The following HPS5 variants were observed in gnomAD, a reference collection of about 807,000 sequenced individuals.
The protein encoded by HPS5 is BLOC-2 complex member HPS5.
In HPS5, 83 loss-of-function variants were observed where a neutral mutation model predicts 128.0. The ratio of observed to expected loss-of-function variants is 0.65; its 90% CI spans 0.54 to 0.78. The LOEUF is 0.78. HPS5 is among the 30% of genes least tolerant of loss of function. The pLI is 0.00. For missense variants in HPS5, 1,281 were observed against 1,326.2 expected, an observed-to-expected ratio of 0.97 and a Z score of 0.53; for synonymous variants, 475 against 470.2, an observed-to-expected ratio of 1.01 and a Z score of -0.13.
chr11:18,317,351 G>A (rs113753226), intron 2 of HPS5, among the ~76,000 whole-genome samples: 1 of 151,456 alleles, frequency 6.6e-6, no homozygotes, highest in Admixed American at 6.6e-5. Flanking sequence ...CACCTCCCGG[G>A]TTCAAGTGAT....
rs1590058051 is a variant in HPS5, at chr11:18,286,924, G to T, written c.2718-214C>A. The T allele has an allele frequency of 2.1e-5, 13 of 623,638 alleles. No homozygotes were observed. In the East Asian group the frequency reaches 3.6e-4, roughly 17 times the overall value. The allele number at this position is 623,638 out of a possible 1,614,324, so 38.6% of individuals were successfully genotyped here. A position where few individuals can be genotyped will look rare whatever the true frequency, so the allele number is the denominator to read the frequency against. On this transcript the variant is annotated intron_variant, in intron 18 of 22. Transcript: ENST00000349215. The stretch of plus-strand genomic sequence containing the variant: ...GGGCCAAAAAAGAAAAAAAAAAAGG[G>T]AGAGAAAGAGAGAGAGAAAGAAAGA...
chr11:18,311,160 C>T (rs984502477), intron 4 of HPS5, among the ~76,000 whole-genome samples: 2 of 152,124 alleles, frequency 1.3e-5, no homozygotes, highest in Admixed American at 1.3e-4. Context: ...TCTTTTAAGG[C>T]CTTTGAAATG....
chr11:18,316,086 A>G (rs534769175), intron 2 of HPS5, among the ~76,000 whole-genome samples: 227 of 152,242 alleles, frequency 1.5e-3, no homozygotes, highest in African/African-American at 4.9e-3. Context: ...CTATGGTCTC[A>G]CCACTGTACT....
At chr11:18,305,180 C>T (rs183682715) in intron 8 of HPS5, among the ~76,000 whole-genome samples, 1 of 152,258 alleles carries the variant, frequency 6.6e-6, no homozygotes, top group Non-Finnish European at 1.5e-5. Flanking sequence ...ATCTTAGCTC[C>T]AATTGTTAGA....
In HPS5 at chr11:18,291,523, A is replaced by T. The variant is rs775458390; in HGVS notation, c.2359T>A (p.Leu787Met). 1 of 1,611,430 alleles carries T rather than the reference A, an allele frequency of 6.2e-7. No individual in the cohort carries two copies. The highest frequency in any genetic ancestry group is 1.1e-5 in the South Asian group (1 of 90,526). ...FLKKYFFLLN[L>M]KRAKESIKLS... Reference sequence around the variant, plus strand: ...TTGATACTCTCCTTCGCTCTTTTCAAGTTCAGGAGAAAAAAGTACTTCTTC... The same window carrying T: ...TTGATACTCTCCTTCGCTCTTTTCATGTTCAGGAGAAAAAAGTACTTCTTC... The change falls in exon 16 of 23, where the codon TTG (leucine) becomes ATG (methionine). Residue 787 changes from leucine to methionine, a missense_variant. By Grantham distance (15) the Leu-to-Met change is conservative (BLOSUM62 2). Transcript: ENST00000349215.
At chr11:18,317,980 G>A in intron 1 of HPS5, 73 bp from the exon 2 acceptor site, 1 of 1,131,746 alleles carries the variant, frequency 8.8e-7, no homozygotes. Flanking sequence ...AAATATGTGG[G>A]GAACATAGAG....
Position 18,287,668 on chromosome 11 carries a change from A to G in HPS5, c.2584T>C (p.Ser862Pro). ...ATRLYEKFGESALRSLIKFFP... is the reference protein window; with the variant it reads ...ATRLYEKFGEPALRSLIKFFP... ...AACTTGATTAAGGATCGAAGAGCAG[A>G]CTCCCCAAACTTTTCATACAACCTG... The change falls in exon 18 of 23, where the codon TCT (serine) becomes CCT (proline). Residue 862 changes from serine to proline, a missense_variant. Physicochemically the swap from Ser to Pro is moderately conservative, Grantham distance 74. Transcript: ENST00000349215. 1 of 1,614,082 alleles carries G rather than the reference A, an allele frequency of 6.2e-7. No homozygotes were observed. Among genetic ancestry groups the G allele is most frequent in the Non-Finnish European group, 8.5e-7 (1 of 1,180,018 alleles).
At position 18,279,506 on chromosome 11, in the gene HPS5, G is replaced by A. The variant is rs1858600635; in HGVS notation, c.*376C>T. The A allele has an allele frequency of 4.1e-6, 1 of 243,250 alleles. No homozygotes were observed. Among genetic ancestry groups the A allele is most frequent in the Non-Finnish European group, 8.1e-6 (1 of 123,172 alleles). The allele number at this position is 243,250 out of a possible 1,614,324, so 15.1% of individuals were successfully genotyped here. On this transcript the variant is annotated 3_prime_UTR_variant, in exon 23 of 23. Coordinates refer to ENST00000349215, the MANE Select transcript of HPS5 (RefSeq NM_181507.2). The stretch of plus-strand genomic sequence containing the variant: ...TGTCTTCATGTGACCAGGATGAAAA[G>A]CTTCTGCTCCCAACATGGAAGCCAC...
At chr11:18,294,795 A>G (rs904762861) in intron 14 of HPS5, among the ~76,000 whole-genome samples, 6 of 152,084 alleles carry the variant, frequency 3.9e-5, no homozygotes, top group Non-Finnish European at 8.8e-5. Context: ...GGCCACACAT[A>G]AAATACACTA....
chr11:18,300,159 C>T (rs1564956561), intron 9 of HPS5, among the ~76,000 whole-genome samples: 1 of 152,100 alleles, frequency 6.6e-6, no homozygotes, highest in Non-Finnish European at 1.5e-5. Flanking sequence ...AAATGTTTAA[C>T]ATGGTAGATA....
At chr11:18,297,030 T>C (rs1306255582) in intron 11 of HPS5, 46 bp from the exon 12 acceptor site, 2 of 1,238,488 alleles carry the variant, frequency 1.6e-6, no homozygotes, top group East Asian at 2.4e-5. Context: ...AAAAATTTCC[T>C]TTATAACGTT....
At chr11:18,283,763 C>T in intron 21 of HPS5, 32 bp downstream of exon 21, 1 of 1,515,316 alleles carries the variant, frequency 6.6e-7, no homozygotes, top group African/African-American at 1.4e-5. Context: ...TAAAAATTGA[C>T]AACCAAGAGT....
chr11:18,290,920 C>T (rs921138339), intron 16 of HPS5, among the ~76,000 whole-genome samples: 1 of 151,086 alleles, frequency 6.6e-6, no homozygotes, highest in African/African-American at 2.4e-5. Context: ...GACCCTGTCT[C>T]TAAAAATAAA....
chr11:18,311,465 G>C lies in HPS5; in HGVS notation c.220-14C>G. ...AATTGCACCTTCCTAGAGCACAAAAGAAAATACATTTTTTAAATCTCAAGT... is the reference window on the plus strand; with the variant it reads ...AATTGCACCTTCCTAGAGCACAAAACAAAATACATTTTTTAAATCTCAAGT... On this transcript the variant is annotated splice_polypyrimidine_tract_variant and intron_variant, in intron 3 of 22. Coordinates refer to ENST00000349215, the MANE Select transcript of HPS5 (RefSeq NM_181507.2). 1.3e-6 allele frequency: 2 copies of C among 1,500,138 alleles called. No homozygotes were observed. The highest frequency in any genetic ancestry group is 1.4e-5 in the African/African-American group (1 of 71,994). The allele number at this position is 1,500,138 out of a possible 1,614,324, so 92.9% of individuals were successfully genotyped here. A position where few individuals can be genotyped will look rare whatever the true frequency, so the allele number is the denominator to read the frequency against.
At chr11:18,295,378 C>T (rs145273133) in intron 13 of HPS5, among the ~76,000 whole-genome samples, 3 of 152,232 alleles carry the variant, frequency 2.0e-5, no homozygotes, top group Non-Finnish European at 4.4e-5. Context: ...ACTAAACTGC[C>T]CTAAGAAATC....
intron 10 of HPS5, among the ~76,000 whole-genome samples, 164 bp downstream of exon 10, chr11:18,298,628 C>A (rs1861358369): frequency 6.6e-6 from 1 of 152,154 alleles, no homozygotes; most frequent in Admixed American, 6.5e-5. Flanking sequence ...TACCCTCTAT[C>A]CACCCCTAGA....
intron 14 of HPS5, among the ~76,000 whole-genome samples, chr11:18,294,349 T>C (rs1860801506): frequency 6.6e-6 from 1 of 152,156 alleles, no homozygotes; most frequent in Admixed American, 6.5e-5. Flanking sequence ...AGGTGGTCCT[T>C]TTGCTATTGC....
At chr11:18,317,193 C>CA (rs113486556) in intron 2 of HPS5, among the ~76,000 whole-genome samples, 2 of 139,902 alleles carry the variant, frequency 1.4e-5, no homozygotes, top group African/African-American at 2.7e-5. Context: ...GACTCCGTCT[C>CA]AAAAAAAAAA....
chr11:18,292,756 T>G (rs1297509271), intron 15 of HPS5, 143 bp downstream of exon 15: 2 of 725,762 alleles, frequency 2.8e-6, no homozygotes, highest in Non-Finnish European at 4.9e-6. Context: ...TTGGACTTAA[T>G]AAAAGGAAAG....
Sources: gnomAD v4.1 joint callset for allele counts (sites outside exome capture counted in the v4.1 genomes callset) on GRCh38, gnomAD v4.1.1 for gene constraint, MANE v1.5 for transcripts, NCBI Gene and HGNC (gene_info 2026-07-23, HGNC 2026-07-21) for gene names.